The following ZNF654 variants were observed in gnomAD, a reference collection of about 807,000 sequenced individuals.
The protein encoded by ZNF654 is melanoma-associated antigen.
ZNF654 carries 19 observed loss-of-function variants against 95.3 expected under a neutral mutation model. That is an observed-to-expected ratio of 0.20 (90% CI 0.14 to 0.29). The LOEUF is 0.29. Among genes scored for constraint, ZNF654 ranks in the 10% least tolerant of loss-of-function variants. The pLI, the probability that ZNF654 is intolerant of heterozygous loss-of-function variation, is 1.00. For synonymous variants in ZNF654, 413 were observed against 457.9 expected (o/e 0.90, Z 1.25); for missense variants, 1,046 against 1,341.0 (o/e 0.78, Z 3.44).
chr3:88,086,348 C>A lies in ZNF654; in HGVS notation c.278C>A (p.Ala93Glu). ...CTTTGTTGTTTTACAACAGCCAGTG[C>A]ATCATTCCCAGATGAATGTGAGCAT... ...TALCCFTTAS[A>E]SFPDECEHVQ... is the part of the protein sequence containing the mutation. Residue 93 changes from alanine to glutamate, a missense_variant, in exon 2 of 9, where the codon GCA becomes GAA. Physicochemically the swap from Ala to Glu is moderately radical, Grantham distance 107 (BLOSUM62 -1). Around this residue, in one of 9 missense-constraint regions of ZNF654, gnomAD observed 91 missense variants for 190.5 expected, o/e 0.48. Coordinates refer to ENST00000636215, the MANE Select transcript of ZNF654 (RefSeq NM_001350134.2). The A allele has an allele frequency of 1.3e-6, 2 of 1,535,566 alleles. No homozygotes were observed. The highest frequency in any genetic ancestry group is 1.7e-6 in the Non-Finnish European group (2 of 1,146,716).
chr3:88,068,540 TA>T (rs1463362148), intron 1 of ZNF654, among the ~76,000 whole-genome samples: 1 of 152,232 alleles, frequency 6.6e-6, no homozygotes, highest in African/African-American at 2.4e-5. Flanking sequence ...ATGTTTTGGT[TA>T]CTCTAAAGTT....
chr3:88,090,716 T>C (rs1708587159), intron 2 of ZNF654, among the ~76,000 whole-genome samples: 1 of 152,214 alleles, frequency 6.6e-6, no homozygotes, highest in Non-Finnish European at 1.5e-5. Context: ...GCTCCATTCA[T>C]GGTAAGTGCC....
At chr3:88,069,584 A>G (rs1576196006) in intron 1 of ZNF654, among the ~76,000 whole-genome samples, 1 of 152,194 alleles carries the variant, frequency 6.6e-6, no homozygotes, top group African/African-American at 2.4e-5. Context: ...TTACCACACT[A>G]TATCCCCAGT....
intron 6 of ZNF654, among the ~76,000 whole-genome samples, chr3:88,132,667 T>C (rs1438621196): frequency 2.0e-5 from 3 of 152,196 alleles, no homozygotes; most frequent in Non-Finnish European, 4.4e-5. Flanking sequence ...TATTAGGATA[T>C]TGCAGTGTAC....
intron 1 of ZNF654, among the ~76,000 whole-genome samples, chr3:88,068,662 T>C (rs1707335297): frequency 6.6e-6 from 1 of 152,194 alleles, no homozygotes; most frequent in African/African-American, 2.4e-5. Flanking sequence ...TATATATGTA[T>C]ATAACTCATT....
chr3:88,077,745 CTG>C (rs1707891818), intron 1 of ZNF654, among the ~76,000 whole-genome samples: 1 of 152,086 alleles, frequency 6.6e-6, no homozygotes, highest in African/African-American at 2.4e-5. Flanking sequence ...ATTTTAAAAA[CTG>C]AAGAAGTCAC....
rs1707204215 is a variant in ZNF654, at chr3:88,143,054, A to C, written c.*1402A>C. On this transcript the variant is annotated 3_prime_UTR_variant, in exon 9 of 9. Transcript: ENST00000636215. ...TCAAAACAGATCTCCTAATGTCCCA[A>C]TGTCAAATATTCCAGTTATTCTAAA... 1.3e-5 allele frequency: 2 copies of C among 152,402 alleles called. No individual in the cohort carries two copies. The highest frequency in any genetic ancestry group is 3.9e-4 in the East Asian group (2 of 5,176). The allele number at this position is 152,402 out of a possible 1,614,324, so 9.4% of individuals were successfully genotyped here. A position where few individuals can be genotyped will look rare whatever the true frequency, so the allele number is the denominator to read the frequency against.
intron 5 of ZNF654, 34 bp downstream of exon 5, chr3:88,129,045 T>G: frequency 3.4e-6 from 5 of 1,459,130 alleles, no homozygotes; most frequent in Non-Finnish European, 4.5e-6. Context: ...CTATTACCAT[T>G]TTAACCCTAC....
At chr3:88,089,684 G>A (rs1188252253) in intron 2 of ZNF654, among the ~76,000 whole-genome samples, 2 of 152,044 alleles carry the variant, frequency 1.3e-5, no homozygotes, top group African/African-American at 4.8e-5. Flanking sequence ...CTAGGATTAA[G>A]CTCAGTTTAT....
At chr3:88,126,677 G>A (rs1022251262) in intron 4 of ZNF654, among the ~76,000 whole-genome samples, 1 of 149,136 alleles carries the variant, frequency 6.7e-6, no homozygotes, top group Non-Finnish European at 1.5e-5. Context: ...CTTAATGAGG[G>A]CTGGAACTCT....
chr3:88,140,431 C>G lies in ZNF654; in HGVS notation c.2762C>G (p.Ser921Cys). The G allele has an allele frequency of 6.2e-7, 1 of 1,613,470 alleles. No homozygotes were observed. The highest frequency in any genetic ancestry group is 8.5e-7 in the Non-Finnish European group (1 of 1,179,690). Residue 921 changes from serine (S) to cysteine (C), a missense_variant, in exon 8 of 9, where the codon TCT becomes TGT. This residue lies in a region of ZNF654 where 495 missense variants were observed against 537.0 expected (regional missense o/e 0.92). Coordinates refer to ENST00000636215, the MANE Select transcript of ZNF654 (RefSeq NM_001350134.2). Reference sequence around the variant, plus strand: ...TCTACTAGCAAATCAAGGAAAGAGTCTACAGAACCAAAGACATGTATAGAA... The same window carrying G: ...TCTACTAGCAAATCAAGGAAAGAGTGTACAGAACCAAAGACATGTATAGAA... ...PVSTSKSRKE[S>C]TEPKTCIESM...
chr3:88,071,905 T>A (rs1459615698), intron 1 of ZNF654, among the ~76,000 whole-genome samples: 1 of 152,238 alleles, frequency 6.6e-6, no homozygotes, highest in Non-Finnish European at 1.5e-5. Context: ...ATTTTGAAGT[T>A]AACTTCAACA....
At chr3:88,110,168 A>G (rs1705002589) in intron 2 of ZNF654, among the ~76,000 whole-genome samples, 1 of 152,146 alleles carries the variant, frequency 6.6e-6, no homozygotes, top group Admixed American at 6.6e-5. Flanking sequence ...AGAGGTAGTT[A>G]CTATTATTGT....
chr3:88,113,011 T>C, intron 2 of ZNF654, 104 bp from the exon 3 acceptor site: 1 of 739,086 alleles, frequency 1.4e-6, no homozygotes, highest in Non-Finnish European at 2.1e-6. Flanking sequence ...AACCAAAATA[T>C]TTTAAGTCAA....
At chr3:88,141,136 A>G (rs1217771361) in intron 8 of ZNF654, 88 bp downstream of exon 8, 1 of 1,454,772 alleles carries the variant, frequency 6.9e-7, no homozygotes, top group African/African-American at 1.4e-5. Context: ...GATTTAAAAA[A>G]TTGATATTTG....
chr3:88,135,350 G>C, intron 7 of ZNF654, 148 bp downstream of exon 7: 1 of 521,686 alleles, frequency 1.9e-6, no homozygotes, highest in Non-Finnish European at 3.0e-6. Flanking sequence ...ATTCTCCTCT[G>C]CCCTAACTCC....
chr3:88,065,600 G>A (rs561985029), intron 1 of ZNF654, among the ~76,000 whole-genome samples: 7 of 152,076 alleles, frequency 4.6e-5, no homozygotes, highest in African/African-American at 1.7e-4. Flanking sequence ...TATGCTTATG[G>A]CTGAATTTTA....
At chr3:88,116,348 T>C (rs757195052) in intron 3 of ZNF654, among the ~76,000 whole-genome samples, 12 of 151,690 alleles carry the variant, frequency 7.9e-5, no homozygotes, top group Non-Finnish European at 1.6e-4. Context: ...TGGAGAAAAC[T>C]CGTCCCTACT....
intron 1 of ZNF654, among the ~76,000 whole-genome samples, chr3:88,079,981 T>TCCATTAC (rs1707998639): frequency 6.6e-6 from 1 of 152,088 alleles, no homozygotes; most frequent in Non-Finnish European, 1.5e-5. Flanking sequence ...CTTTTAGATT[T>TCCATTAC]CCATTACATG....
Sources: gnomAD v4.1 joint callset for allele counts (sites outside exome capture counted in the v4.1 genomes callset) on GRCh38, gnomAD v4.1.1 for gene constraint, gnomAD v4.1.1 regional missense constraint, MANE v1.5 for transcripts, NCBI Gene and HGNC (gene_info 2026-07-23, HGNC 2026-07-21) for gene names.